CTNNA3: variants seen among roughly 807,000 people sequenced by gnomAD.
CTNNA3 encodes catenin alpha 3, also known as catenin alpha-3.
Under a neutral mutation model 95.7 loss-of-function variants are expected in CTNNA3, and 76 were observed. The ratio of observed to expected loss-of-function variants is 0.79; its 90% CI spans 0.66 to 0.96. The LOEUF (loss-of-function observed/expected upper bound fraction) is 0.96. CTNNA3 is among the 40% of genes least tolerant of loss of function. CTNNA3 has a pLI of 0.00. For missense variants in CTNNA3, 1,191 were observed against 1,089.8 expected, an observed-to-expected ratio of 1.09 and a Z score of -1.31; for synonymous variants, 431 against 374.4, an observed-to-expected ratio of 1.15 and a Z score of -1.74.
chr10:66,716,532 C>T (rs1258381763), intron 9 of CTNNA3, among the ~76,000 whole-genome samples: 2 of 152,014 alleles, frequency 1.3e-5, no homozygotes, highest in Admixed American at 6.6e-5. Flanking sequence ...TCCGGTAGCC[C>T]GAGTAATATT....
chr10:66,978,800 A>G (rs1036080961), intron 7 of CTNNA3, among the ~76,000 whole-genome samples: 37 of 151,146 alleles, frequency 2.4e-4, no homozygotes, highest in Middle Eastern at 3.4e-3. Flanking sequence ...AAGGCCTGAC[A>G]TATGCAACAA....
chr10:67,084,307 A>G (rs1857193977), intron 7 of CTNNA3, among the ~76,000 whole-genome samples: 1 of 152,098 alleles, frequency 6.6e-6, no homozygotes, highest in Non-Finnish European at 1.5e-5. Context: ...AGGAAAAATA[A>G]TAGGAAGAAA....
intron 13 of CTNNA3, among the ~76,000 whole-genome samples, chr10:66,238,828 G>A (rs777122281): frequency 1.4e-4 from 21 of 151,776 alleles, no homozygotes; most frequent in Admixed American, 1.1e-3. Flanking sequence ...TGCATTACTG[G>A]ATAATTTTTA....
At chr10:67,402,033 C>T (rs1351043300) in intron 5 of CTNNA3, among the ~76,000 whole-genome samples, 1 of 152,232 alleles carries the variant, frequency 6.6e-6, no homozygotes, top group African/African-American at 2.4e-5. Flanking sequence ...AAAAGCCACA[C>T]TGCCCCCTTA....
chr10:67,634,528 T>C (rs1383731147), intron 2 of CTNNA3, among the ~76,000 whole-genome samples: 1 of 152,128 alleles, frequency 6.6e-6, no homozygotes, highest in Non-Finnish European at 1.5e-5. Flanking sequence ...AGACACAGAA[T>C]GACAAGTTGG....
chr10:66,509,624 T>C (rs1170686533), intron 11 of CTNNA3, among the ~76,000 whole-genome samples: 1 of 151,998 alleles, frequency 6.6e-6, no homozygotes, highest in Non-Finnish European at 1.5e-5. Context: ...GAAGAGGGTG[T>C]CATTTTTTTC....
At chr10:66,219,200 A>G (rs1455102313) in intron 13 of CTNNA3, among the ~76,000 whole-genome samples, 3 of 151,986 alleles carry the variant, frequency 2.0e-5, no homozygotes, top group Admixed American at 6.6e-5. Context: ...ATGCTGTAAT[A>G]GGATGAGGCT....
intron 11 of CTNNA3, among the ~76,000 whole-genome samples, chr10:66,471,376 C>G (rs1030300326): frequency 5.9e-5 from 9 of 151,702 alleles, no homozygotes; most frequent in African/African-American, 2.2e-4. Context: ...TTGCTCAAGA[C>G]TGTTTTGATT....
chr10:66,896,664 C>T (rs954372050), intron 7 of CTNNA3, among the ~76,000 whole-genome samples: 10 of 152,288 alleles, frequency 6.6e-5, no homozygotes, highest in Admixed American at 3.3e-4. Context: ...TTCCAGGCCA[C>T]ACCCATAGTA....
At chr10:67,605,843 G>A (rs2133377309) in intron 3 of CTNNA3, among the ~76,000 whole-genome samples, 1 of 152,076 alleles carries the variant, frequency 6.6e-6, no homozygotes, top group Non-Finnish European at 1.5e-5. Flanking sequence ...GCTAATTTTT[G>A]TGTTTTTAGT....
intron 10 of CTNNA3, among the ~76,000 whole-genome samples, chr10:66,551,603 CT>C (rs1842217293): frequency 6.6e-6 from 1 of 151,980 alleles, no homozygotes; most frequent in Non-Finnish European, 1.5e-5. Context: ...TTGATATTGT[CT>C]TATAAATTAT....
intron 15 of CTNNA3, among the ~76,000 whole-genome samples, chr10:66,026,415 T>G (rs1331321194): frequency 6.6e-6 from 1 of 152,162 alleles, no homozygotes; most frequent in Non-Finnish European, 1.5e-5. Flanking sequence ...TCTCGATTGT[T>G]CTCTAAAGCA....
intron 13 of CTNNA3, among the ~76,000 whole-genome samples, chr10:66,228,526 A>T (rs897682067): frequency 6.6e-6 from 1 of 152,090 alleles, no homozygotes; most frequent in African/African-American, 2.4e-5. Context: ...TTTTTTAAAA[A>T]TACCTCACAT....
intron 1 of CTNNA3, among the ~76,000 whole-genome samples, chr10:67,752,042 A>T (rs1409511803): frequency 6.6e-6 from 1 of 152,204 alleles, no homozygotes; most frequent in East Asian, 1.9e-4. Context: ...TCGGGCCGAT[A>T]TCCCTGATGA....
intron 12 of CTNNA3, among the ~76,000 whole-genome samples, chr10:66,315,180 A>G (rs1371259503): frequency 6.6e-6 from 1 of 151,912 alleles, no homozygotes; most frequent in Non-Finnish European, 1.5e-5. Flanking sequence ...TTAACTACAA[A>G]TGATTTTTAA....
At chr10:66,408,620 G>A (rs2093076028) in intron 11 of CTNNA3, among the ~76,000 whole-genome samples, 1 of 152,022 alleles carries the variant, frequency 6.6e-6, no homozygotes, top group Non-Finnish European at 1.5e-5. Flanking sequence ...AGGTCTTCCT[G>A]ATATATAAAT....
intron 7 of CTNNA3, among the ~76,000 whole-genome samples, chr10:66,799,519 T>G (rs1238865442): frequency 6.6e-6 from 1 of 151,400 alleles, no homozygotes; most frequent in Non-Finnish European, 1.5e-5. Context: ...GAATACAAAA[T>G]TAGTAAATCT....
chr10:66,139,100 C>G (rs755644863), intron 13 of CTNNA3, among the ~76,000 whole-genome samples: 7 of 152,156 alleles, frequency 4.6e-5, no homozygotes, highest in African/African-American at 1.7e-4. Context: ...TAAAATCTGA[C>G]AGATTAGCAA....
In CTNNA3 at chr10:66,693,702, T is replaced by G. The variant is rs529223251; in HGVS notation, c.1282-71918A>C. ...CACACCTATTCCAAAATTGACCACA[T>G]AGTTGGAAGTAAAGCTTTCCTCAGC... is the stretch of plus-strand genomic sequence containing the variant. On this transcript the variant is annotated intron_variant, in intron 9 of 17. Coordinates refer to ENST00000433211, the MANE Select transcript of CTNNA3 (RefSeq NM_013266.4). Among the ~76,000 whole-genome samples, 449 of 152,142 alleles carry G rather than the reference T, an allele frequency of 3.0e-3. 4 individuals are homozygous for G. Among genetic ancestry groups the G allele is most frequent in the African/African-American group, 1.0e-2 (414 of 41,506 alleles).
Sources: gnomAD v4.1 joint callset for allele counts (sites outside exome capture counted in the v4.1 genomes callset) on GRCh38, gnomAD v4.1.1 for gene constraint, MANE v1.5 for transcripts, NCBI Gene and HGNC (gene_info 2026-07-23, HGNC 2026-07-21) for gene names.